The following GABBR2 variants were observed in gnomAD, a reference collection of about 807,000 sequenced individuals.
The protein encoded by GABBR2 is G-protein coupled receptor 51.
In GABBR2, 23 loss-of-function variants were observed where a neutral mutation model predicts 105.6. The ratio of observed to expected loss-of-function variants is 0.22; its 90% CI spans 0.16 to 0.31. GABBR2 has a LOEUF of 0.31. Among genes scored for constraint, GABBR2 ranks in the 10% least tolerant of loss-of-function variants. The probability of loss-of-function intolerance (pLI) is 1.00; values close to 1 mark genes in which losing one functional copy is unlikely to be tolerated. For synonymous variants in GABBR2, 478 were observed against 499.7 expected, an observed-to-expected ratio of 0.96 and a Z score of 0.58; for missense variants, 734 against 1,245.5, an observed-to-expected ratio of 0.59 and a Z score of 6.18.
chr9:98,444,423 A>C (rs1826085082), intron 7 of GABBR2, among the ~76,000 whole-genome samples: 1 of 152,082 alleles, frequency 6.6e-6, no homozygotes, highest in African/African-American at 2.4e-5. Context: ...TCACTGGAGG[A>C]GTGTACCAGG....
intron 13 of GABBR2, among the ~76,000 whole-genome samples, chr9:98,320,421 G>A (rs1263755497): frequency 5.9e-5 from 9 of 151,862 alleles, no homozygotes; most frequent in African/African-American, 1.2e-4. Flanking sequence ...TCAGTGTGGC[G>A]ATTCCTCAGG....
At chr9:98,638,418 G>T (rs1228013233) in intron 1 of GABBR2, among the ~76,000 whole-genome samples, 3 of 152,218 alleles carry the variant, frequency 2.0e-5, no homozygotes, top group African/African-American at 7.2e-5. Flanking sequence ...AAGCGAAGCA[G>T]AGATGGGGCT....
At chr9:98,592,749 C>T (rs907435201) in intron 1 of GABBR2, among the ~76,000 whole-genome samples, 1 of 152,136 alleles carries the variant, frequency 6.6e-6, no homozygotes, top group Non-Finnish European at 1.5e-5. Flanking sequence ...TAAGGGAAGG[C>T]AAAGAGCCAG....
intron 7 of GABBR2, among the ~76,000 whole-genome samples, chr9:98,418,739 TAC>T (rs1832731499): frequency 6.6e-6 from 1 of 152,184 alleles, no homozygotes. Context: ...GGGTGATGCC[TAC>T]AGAGTTGGCA....
At chr9:98,411,054 A>G (rs1268984258) in intron 7 of GABBR2, among the ~76,000 whole-genome samples, 7 of 152,170 alleles carry the variant, frequency 4.6e-5, no homozygotes, top group African/African-American at 7.2e-5. Flanking sequence ...ATGGATTCTA[A>G]CTTCCAAGGA....
intron 13 of GABBR2, among the ~76,000 whole-genome samples, chr9:98,335,264 G>C (rs751230676): frequency 9.9e-5 from 15 of 152,192 alleles, no homozygotes; most frequent in Non-Finnish European, 1.9e-4. Context: ...GAACTCCCCA[G>C]GTGGGCCTCT....
At chr9:98,333,725 C>G (rs372318567) in intron 13 of GABBR2, among the ~76,000 whole-genome samples, 2 of 152,270 alleles carry the variant, frequency 1.3e-5, no homozygotes, top group South Asian at 2.1e-4. Context: ...ATGCATATAT[C>G]GTTTAGGGGG....
In GABBR2 at chr9:98,473,073, T is replaced by C. The variant is rs77597169; in HGVS notation, c.999+73A>G. On this transcript the variant is annotated intron_variant, in intron 6 of 18. Coordinates refer to ENST00000259455, the MANE Select transcript of GABBR2 (RefSeq NM_005458.8). ...GACACAGGACAATAAATGTGCTCTT[T>C]TGGCCAATGTCATCAGACAAGATGA... is the stretch of plus-strand genomic sequence containing the variant. The C allele has an allele frequency of 5.2e-3, 5,875 of 1,133,150 alleles. 219 individuals are homozygous for C. In the African/African-American group the frequency reaches 0.079, roughly 15 times the overall value. The allele number at this position is 1,133,150 out of a possible 1,614,324, so 70.2% of individuals were successfully genotyped here. A position where few individuals can be genotyped will look rare whatever the true frequency, so the allele number is the denominator to read the frequency against.
At chr9:98,302,571 T>C (rs1018681310) in intron 16 of GABBR2, among the ~76,000 whole-genome samples, 4 of 152,206 alleles carry the variant, frequency 2.6e-5, no homozygotes, top group African/African-American at 9.6e-5. Context: ...GTCCCTTTCC[T>C]GTCCCCCTCC....
chr9:98,536,598 A>G (rs1828187071), intron 3 of GABBR2, among the ~76,000 whole-genome samples: 1 of 151,608 alleles, frequency 6.6e-6, no homozygotes. Flanking sequence ...ATCACTCAGC[A>G]CTCTGGCCTC....
chr9:98,568,973 G>A (rs1236322321), intron 2 of GABBR2, among the ~76,000 whole-genome samples: 2 of 152,006 alleles, frequency 1.3e-5, no homozygotes, highest in East Asian at 1.9e-4. Flanking sequence ...TTGGCCCATA[G>A]TGCATGCCCT....
chr9:98,370,970 C>T, intron 12 of GABBR2, among the ~76,000 whole-genome samples: 1 of 152,032 alleles, frequency 6.6e-6, no homozygotes, highest in Non-Finnish European at 1.5e-5. Context: ...TCCCTATTGC[C>T]CATAAGTTAA....
chr9:98,554,564 T>C (rs953651288), intron 2 of GABBR2, among the ~76,000 whole-genome samples: 1 of 152,116 alleles, frequency 6.6e-6, no homozygotes, highest in African/African-American at 2.4e-5. Flanking sequence ...AAATAGAAAC[T>C]ACATACATAA....
At chr9:98,313,806 A>C (rs12345664) in intron 13 of GABBR2, among the ~76,000 whole-genome samples, 10,280 of 152,118 alleles carry the variant, frequency 0.068, 871 homozygotes, top group African/African-American at 0.19. Flanking sequence ...CAGGTCTTAG[A>C]CGGGTAGCGT....
chr9:98,570,014 T>G lies in GABBR2; in HGVS notation c.459+7921A>C, dbSNP rs560765629. 2.0e-5 allele frequency among the ~76,000 whole-genome samples: 3 copies of G among 152,356 alleles called. No individual in the cohort carries two copies. The South Asian group carries it at 6.2e-4, about 32-fold the overall frequency. On this transcript the variant is annotated intron_variant, in intron 2 of 18. Transcript: ENST00000259455. Reference sequence around the variant, plus strand: ...TTTGGGGGTTCTCACTGATTTGTTTTTTAAATGTCAAAACCAGGCATGCTT... The same window carrying G: ...TTTGGGGGTTCTCACTGATTTGTTTGTTAAATGTCAAAACCAGGCATGCTT...
intron 6 of GABBR2, among the ~76,000 whole-genome samples, chr9:98,464,828 G>T (rs1017371550): frequency 1.3e-5 from 2 of 151,992 alleles, no homozygotes; most frequent in African/African-American, 2.4e-5. Flanking sequence ...CCCCAACCCC[G>T]TGCTCTCTGA....
chr9:98,650,733 C>A (rs551670728), intron 1 of GABBR2, among the ~76,000 whole-genome samples: 15 of 152,136 alleles, frequency 9.9e-5, no homozygotes, highest in Non-Finnish European at 1.8e-4. Context: ...TGTATAAATA[C>A]AATAGCAGAT....
intron 8 of GABBR2, among the ~76,000 whole-genome samples, chr9:98,394,855 C>T (rs546696845): frequency 2.8e-4 from 42 of 152,270 alleles, no homozygotes; most frequent in African/African-American, 9.4e-4. Context: ...CAAGTAGAGG[C>T]CACCATCCCT....
intron 3 of GABBR2, among the ~76,000 whole-genome samples, chr9:98,511,846 C>T (rs535957526): frequency 2.6e-4 from 40 of 152,278 alleles, no homozygotes; most frequent in African/African-American, 9.6e-4. Flanking sequence ...GAACTGGTAC[C>T]ATTCCTTCTA....
Sources: allele counts gnomAD v4.1 joint callset (sites outside exome capture counted in the v4.1 genomes callset), GRCh38; gene constraint gnomAD v4.1.1; transcripts MANE v1.5; gene names NCBI Gene and HGNC (gene_info 2026-07-23, HGNC 2026-07-21).